The following F2 variants were observed in gnomAD, a reference collection of about 807,000 sequenced individuals.
F2 encodes the protein prothrombin.
A neutral mutation model predicts 81.9 loss-of-function variants in F2; 34 were observed. The observed-to-expected ratio is 0.42, with a 90% CI of 0.32 to 0.55. The LOEUF is 0.55. Ranked by LOEUF, F2 falls within the 20% of genes least tolerant of loss-of-function variation. The pLI is 0.18. For synonymous variants in F2, 296 were observed against 326.4 expected (o/e 0.91, Z 1.01); for missense variants, 630 against 833.4 (o/e 0.76, Z 3.00).
chr11:46,729,330 C>A (rs373191134), intron 11 of F2, 50 bp from the exon 12 acceptor site: 8 of 1,585,410 alleles, frequency 5.0e-6, no homozygotes, highest in Non-Finnish European at 6.0e-6. Context: ...TGGGGCCAGG[C>A]GGCTCCTGTG....
rs1379644058 is a variant in F2 at position 46,739,441 on chromosome 11, A to G, written c.*33A>G. The G allele has an allele frequency of 1.9e-6, 3 of 1,613,528 alleles. No homozygotes were observed. The highest frequency in any genetic ancestry group is 2.2e-5 in the South Asian group (2 of 91,030). On this transcript the variant is annotated 3_prime_UTR_variant, in exon 14 of 14. Coordinates refer to ENST00000311907, the MANE Select transcript of F2 (RefSeq NM_000506.5). Reference sequence around the variant, plus strand: ...CTCATATTCTGGGCTCCTGGAACCAATCCCGTGAAAGAATTATTTTTGTGT... The same window carrying G: ...CTCATATTCTGGGCTCCTGGAACCAGTCCCGTGAAAGAATTATTTTTGTGT...
At chr11:46,736,362 A>G (rs1374441032) in intron 12 of F2, among the ~76,000 whole-genome samples, 1 of 152,232 alleles carries the variant, frequency 6.6e-6, no homozygotes, top group African/African-American at 2.4e-5. Flanking sequence ...GGCTCGAGCA[A>G]GTCTCCCGCC....
chr11:46,720,017 C>T (rs2064826565), intron 2 of F2, 155 bp downstream of exon 2: 13 of 1,038,776 alleles, frequency 1.3e-5, no homozygotes, highest in African/African-American at 3.2e-5. Context: ...GCAAGAGGAG[C>T]GGCCTCAGCC....
intron 11 of F2, 77 bp from the exon 12 acceptor site, chr11:46,729,303 T>C: frequency 2.0e-6 from 3 of 1,497,834 alleles, no homozygotes; most frequent in Non-Finnish European, 2.8e-6. Flanking sequence ...TAGATTCTGG[T>C]CTCTAAGAAA....
chr11:46,733,764 T>G (rs1027807983), intron 12 of F2, among the ~76,000 whole-genome samples: 1 of 150,892 alleles, frequency 6.6e-6, no homozygotes, highest in African/African-American at 2.4e-5. Flanking sequence ...TTGAACATCG[T>G]ATCATATGAT....
intron 12 of F2, among the ~76,000 whole-genome samples, chr11:46,734,272 A>T (rs1382201898): frequency 6.6e-6 from 1 of 151,608 alleles, no homozygotes; most frequent in Non-Finnish European, 1.5e-5. Flanking sequence ...GTATTATATA[A>T]TTTTTTTGTG....
Position 46,726,017 on chromosome 11 carries a change from G to C in F2, c.718G>C (p.Ala240Pro), listed in dbSNP as rs141678604. ...HGLPCLAWAS[A>P]QAKALSKHQD... ...GCTCCCCTGCCTGGCCTGGGCCAGC[G>C]CACAGGCCAAGGCCCTGAGCAAGCA... Residue 240 changes from alanine to proline, a missense_variant, in exon 7 of 14, where the codon GCA becomes CCA. Ala to Pro is a conservative substitution (Grantham distance 27, BLOSUM62 -1). Coordinates refer to ENST00000311907, the MANE Select transcript of F2 (RefSeq NM_000506.5). The surrounding 1 kb of genome is among the most constrained non-coding windows in gnomAD (Gnocchi z 5.9). 3 of 1,613,902 alleles carry C rather than the reference G, an allele frequency of 1.9e-6. No homozygotes were observed. The highest frequency in any genetic ancestry group is 1.7e-5 in the Admixed American group (1 of 60,010).
At chr11:46,720,918 G>A (rs1816766258) in intron 4 of F2, 78 bp downstream of exon 4, 4 of 1,538,696 alleles carry the variant, frequency 2.6e-6, no homozygotes, top group African/African-American at 2.7e-5. Flanking sequence ...GGTTTGGAGT[G>A]TGGCTGGTGG....
Position 46,720,556 on chromosome 11 carries a change from C to T in F2, c.265+9C>T, listed in dbSNP as rs200777670. ...CTGGGCCAAGTACACAGGTGAGCAC[C>T]GGGAAGGATTTGCCCCAGGAAGGGA... On this transcript the variant is annotated intron_variant, in intron 3 of 13. Coordinates refer to ENST00000311907, the MANE Select transcript of F2 (RefSeq NM_000506.5). The T allele has an allele frequency of 6.2e-6, 10 of 1,614,038 alleles. No homozygotes were observed. The highest frequency in any genetic ancestry group is 4.0e-5 in the African/African-American group (3 of 74,996).
intron 12 of F2, among the ~76,000 whole-genome samples, chr11:46,735,584 T>C (rs2064939032): frequency 1.3e-5 from 2 of 151,694 alleles, no homozygotes; most frequent in East Asian, 1.9e-4. Context: ...GACCGCACCA[T>C]TGCACTCCAG....
chr11:46,729,690 G>C, intron 12 of F2, 129 bp downstream of exon 12: 1 of 1,000,164 alleles, frequency 1.0e-6, no homozygotes. Flanking sequence ...TTCTTCCTCT[G>C]TAAAATGGAG....
At position 46,738,953 on chromosome 11, in the gene F2, AG is replaced by A. The variant is rs1326009043; in HGVS notation, c.1655-91del. ...AAGTGGGGACAGCAAGAATGACTGG[AG>A]GGGTAAGTGGACTCTCACCAGCTGT... On this transcript the variant is annotated intron_variant, in intron 12 of 13. Transcript: ENST00000311907. 10 of 1,221,292 alleles carry A rather than the reference AG, an allele frequency of 8.2e-6. No individual in the cohort carries two copies. The East Asian group carries it at 2.1e-4, about 26-fold the overall frequency. The allele number at this position is 1,221,292 out of a possible 1,614,324, so 75.7% of individuals were successfully genotyped here. A position where few individuals can be genotyped will look rare whatever the true frequency, so the allele number is the denominator to read the frequency against.
chr11:46,733,741 A>G (rs2064927079), intron 12 of F2, among the ~76,000 whole-genome samples: 1 of 149,342 alleles, frequency 6.7e-6, no homozygotes, highest in South Asian at 2.1e-4. Flanking sequence ...CATCTTTCAA[A>G]TTGAAAATGA....
At chr11:46,722,314 G>A (rs1048473973) in intron 4 of F2, among the ~76,000 whole-genome samples, 15 of 152,132 alleles carry the variant, frequency 9.9e-5, no homozygotes, top group Admixed American at 5.2e-4. Context: ...GATTGCGGCC[G>A]GGTGTGGTGG....
At chr11:46,730,907 A>G (rs1240158884) in intron 12 of F2, among the ~76,000 whole-genome samples, 1 of 151,264 alleles carries the variant, frequency 6.6e-6, no homozygotes, top group East Asian at 1.9e-4. Context: ...TGCAACCACA[A>G]TACAAATATT....
In F2 at chr11:46,728,266, C is replaced by T; in HGVS notation, c.1298+103C>T. On this transcript the variant is annotated intron_variant, in intron 10 of 13. Coordinates refer to ENST00000311907, the MANE Select transcript of F2 (RefSeq NM_000506.5). This position sits in a 1 kb window ranked among gnomAD's most constrained non-coding sequence, Gnocchi z 5.1. ...CGGGACACATAGGATGTTCTGTATA[C>T]CCCCCAGAATATAACATCCCAGCAG... 3 of 1,236,578 alleles carry T rather than the reference C, an allele frequency of 2.4e-6. No individual in the cohort carries two copies. Among genetic ancestry groups the T allele is most frequent in the Non-Finnish European group, 3.5e-6 (3 of 865,634 alleles). The allele number at this position is 1,236,578 out of a possible 1,614,324, so 76.6% of individuals were successfully genotyped here.
At chr11:46,738,979 T>C in intron 12 of F2, 69 bp from the exon 13 acceptor site, 1 of 1,508,098 alleles carries the variant, frequency 6.6e-7, no homozygotes, top group Non-Finnish European at 9.2e-7. Flanking sequence ...TCACCAGCTG[T>C]GTCTCGTGAA....
chr11:46,736,985 T>C (rs993776108), intron 12 of F2, among the ~76,000 whole-genome samples: 1 of 152,224 alleles, frequency 6.6e-6, no homozygotes, highest in Non-Finnish European at 1.5e-5. Context: ...ATTGTATCTT[T>C]CTTGACTGCT....
chr11:46,737,517 T>A (rs2064951505), intron 12 of F2, among the ~76,000 whole-genome samples: 1 of 145,642 alleles, frequency 6.9e-6, no homozygotes, highest in South Asian at 2.2e-4. Flanking sequence ...CTCGGCTCAC[T>A]GAAAGCTCCA....
Sources: allele counts gnomAD v4.1 joint callset (sites outside exome capture counted in the v4.1 genomes callset), GRCh38; gene constraint gnomAD v4.1.1; non-coding constraint Gnocchi (gnomAD v3.1); transcripts MANE v1.5; gene names NCBI Gene and HGNC (gene_info 2026-07-23, HGNC 2026-07-21).